HAVCR1: variants seen among roughly 807,000 people sequenced by gnomAD.
The protein encoded by HAVCR1 is hepatitis A virus cellular receptor 1.
In HAVCR1, 34 loss-of-function variants were observed where a neutral mutation model predicts 32.0. The ratio of observed to expected loss-of-function variants is 1.06; its 90% confidence interval spans 0.81 to 1.42. The LOEUF (loss-of-function observed/expected upper bound fraction) is 1.42. Among genes scored for constraint, HAVCR1 ranks in the 40% most tolerant of loss-of-function variants. HAVCR1 has a pLI of 0.00. For synonymous variants in HAVCR1, 178 were observed against 170.3 expected (o/e 1.05, Z -0.35); for missense variants, 420 against 442.3 (o/e 0.95, Z 0.45).
upstream of HAVCR1, among the ~76,000 whole-genome samples, chr5:157,062,105 T>A (rs1046532406): frequency 7.2e-5 from 11 of 152,138 alleles, no homozygotes; most frequent in African/African-American, 2.4e-4. Context: ...ATCCCAGTTG[T>A]AGGGTAAAGC....
intron 7 of HAVCR1, 34 bp downstream of exon 7, chr5:157,037,213 C>T (rs750991484): frequency 1.8e-6 from 2 of 1,100,590 alleles, no homozygotes; most frequent in South Asian, 1.2e-5. Flanking sequence ...CTGTACATCC[C>T]TTGTCCCTTA....
intron 2 of HAVCR1, among the ~76,000 whole-genome samples, chr5:157,055,873 C>A (rs942790145): frequency 1.3e-5 from 2 of 150,236 alleles, no homozygotes; most frequent in Admixed American, 6.6e-5. Context: ...CCCCCTCCCC[C>A]AAAAAAAAAT....
intron 3 of HAVCR1, among the ~76,000 whole-genome samples, chr5:157,053,330 T>C (rs1474197973): frequency 1.5e-5 from 2 of 135,730 alleles, no homozygotes; most frequent in Non-Finnish European, 3.0e-5. Flanking sequence ...TTGCAGTGAG[T>C]AGAGACTGGG....
At chr5:157,054,701 G>T (rs142514805) in intron 3 of HAVCR1, among the ~76,000 whole-genome samples, 1 of 152,318 alleles carries the variant, frequency 6.6e-6, no homozygotes, top group African/African-American at 2.4e-5. Context: ...GATGGAAAAT[G>T]TATGGTGGAA....
At chr5:157,038,960 A>T (rs916625271) in intron 6 of HAVCR1, among the ~76,000 whole-genome samples, 2 of 152,128 alleles carry the variant, frequency 1.3e-5, no homozygotes, top group Non-Finnish European at 2.9e-5. Flanking sequence ...GTCTCCAGAA[A>T]AAAATAAAAC....
intron 3 of HAVCR1, among the ~76,000 whole-genome samples, chr5:157,054,576 C>A (rs932977897): frequency 2.0e-5 from 3 of 152,098 alleles, no homozygotes; most frequent in Non-Finnish European, 4.4e-5. Context: ...AAAATATTCA[C>A]TGTATTTTAC....
chr5:157,033,422 T>C (rs897031350), intron 7 of HAVCR1, among the ~76,000 whole-genome samples: 2 of 152,092 alleles, frequency 1.3e-5, no homozygotes, highest in Non-Finnish European at 2.9e-5. Flanking sequence ...TTCTTTGGAA[T>C]TCAAAGTGAG....
chr5:157,047,866 G>A (rs532718083), intron 5 of HAVCR1, among the ~76,000 whole-genome samples: 43 of 152,286 alleles, frequency 2.8e-4, no homozygotes, highest in African/African-American at 1.0e-3. Flanking sequence ...GTGTGTGGTG[G>A]GGTTGGGAGG....
chr5:157,037,278 A>G lies in HAVCR1; in HGVS notation c.921T>C (p.Leu307=). 6.2e-7 allele frequency: 1 copy of G among 1,602,074 alleles called. No individual in the cohort carries two copies. The highest frequency in any genetic ancestry group is 8.6e-7 in the Non-Finnish European group (1 of 1,168,994). ...YAGVCISVLV[L]LALLGVIIAK... ...CAATGATGACACCCAAAAGAGCAAG[A>G]AGCACCAAGACAGAAATACAGACTC... The change falls in exon 7 of 9, where the codon CTT becomes CTC. Residue 307 remains leucine (L), a synonymous_variant. Coordinates refer to ENST00000523175, the MANE Select transcript of HAVCR1 (RefSeq NM_001173393.3).
chr5:157,050,352 C>T, intron 4 of HAVCR1, among the ~76,000 whole-genome samples: 1 of 152,122 alleles, frequency 6.6e-6, no homozygotes, highest in Admixed American at 6.5e-5. Context: ...TCTTTCTTTT[C>T]TCCACTGCTC....
At chr5:157,033,739 T>C (rs1160402416) in intron 7 of HAVCR1, among the ~76,000 whole-genome samples, 1 of 152,162 alleles carries the variant, frequency 6.6e-6, no homozygotes, top group Admixed American at 6.5e-5. Context: ...TAAAATTGTC[T>C]ACATCCATCA....
rs1214914505 is a variant in HAVCR1, at chr5:157,057,809, C to T, written c.46+89G>A. On this transcript the variant is annotated intron_variant, in intron 2 of 8. Coordinates refer to ENST00000523175, the MANE Select transcript of HAVCR1 (RefSeq NM_001173393.3). ...AAGAACATCTACATTAATCCACCAC[C>T]ACCATCCCCTCCCCTTCCCCTACCC... is the stretch of plus-strand genomic sequence containing the variant. The T allele has an allele frequency of 4.4e-6, 4 of 916,816 alleles. No homozygotes were observed. In the East Asian group the frequency reaches 9.6e-5, roughly 22 times the overall value. 56.8% of individuals were successfully genotyped at this position (916,816 alleles called of 1,614,324 possible).
chr5:157,056,553 T>G (rs1395136450), intron 2 of HAVCR1, among the ~76,000 whole-genome samples: 1 of 151,724 alleles, frequency 6.6e-6, no homozygotes, highest in East Asian at 1.9e-4. Context: ...CTAATTTTTT[T>G]GTATTTTTAG....
intron 2 of HAVCR1, among the ~76,000 whole-genome samples, chr5:157,057,168 T>A (rs1046305135): frequency 5.3e-5 from 8 of 151,738 alleles, no homozygotes; most frequent in Non-Finnish European, 8.8e-5. Flanking sequence ...TACAAAAAAA[T>A]TAGCTGGTAG....
intron 5 of HAVCR1, among the ~76,000 whole-genome samples, chr5:157,044,611 GAAA>G (rs1755209361): frequency 6.0e-5 from 4 of 67,070 alleles, no homozygotes; most frequent in South Asian, 7.4e-4. Flanking sequence ...AAGAAAGAAA[GAAA>G]GAGAAAGAAA....
At chr5:157,060,546 TTTTCC>T (rs1756461345), upstream of HAVCR1, among the ~76,000 whole-genome samples, 1 of 152,190 alleles carries the variant, frequency 6.6e-6, no homozygotes, top group South Asian at 2.1e-4. Flanking sequence ...TATTATCTTG[TTTTCC>T]TTAATCCATT....
chr5:157,051,808 ACT>A (rs1755755978), intron 4 of HAVCR1, among the ~76,000 whole-genome samples: 1 of 152,122 alleles, frequency 6.6e-6, no homozygotes, highest in Admixed American at 6.5e-5. Flanking sequence ...GAACTTTTAG[ACT>A]CTGTCTCAGT....
intron 4 of HAVCR1, among the ~76,000 whole-genome samples, chr5:157,051,624 G>A (rs1039766561): frequency 6.6e-6 from 1 of 151,620 alleles, no homozygotes; most frequent in Admixed American, 6.6e-5. Context: ...TTGACCTCCC[G>A]GCCCCAAGCG....
chr5:157,030,659 C>A (rs1224091203), intron 8 of HAVCR1, among the ~76,000 whole-genome samples: 2 of 152,144 alleles, frequency 1.3e-5, no homozygotes, highest in Admixed American at 1.3e-4. Flanking sequence ...AAAAAGAAAT[C>A]AGTAGAAACA....
Sources: allele counts gnomAD v4.1 joint callset (sites outside exome capture counted in the v4.1 genomes callset), GRCh38; gene constraint gnomAD v4.1.1; transcripts MANE v1.5; gene names NCBI Gene and HGNC (gene_info 2026-07-23, HGNC 2026-07-21).